POLG: variants seen among roughly 807,000 people sequenced by gnomAD.
POLG encodes the protein DNA polymerase gamma, catalytic subunit.
In POLG, 110 loss-of-function variants were observed where a neutral mutation model predicts 155.4. The observed-to-expected ratio is 0.71, with a 90% CI of 0.61 to 0.83. POLG has a LOEUF of 0.83. Ranked by LOEUF, POLG falls within the 40% of genes least tolerant of loss-of-function variation. The probability of loss-of-function intolerance (pLI) is 0.00; values close to 1 mark genes in which losing one functional copy is unlikely to be tolerated. For synonymous variants in POLG, 701 were observed against 631.5 expected, an observed-to-expected ratio of 1.11 and a Z score of -1.65; for missense variants, 1,685 against 1,627.5, an observed-to-expected ratio of 1.04 and a Z score of -0.61.
chr15:89,321,929 C>T (rs1407595928), intron 15 of POLG, 33 bp downstream of exon 15: 16 of 1,612,126 alleles, frequency 9.9e-6, no homozygotes, highest in Non-Finnish European at 1.2e-5. Flanking sequence ...CACCTCAGTT[C>T]TCCTATCCCT....
At chr15:89,323,552 C>A in intron 12 of POLG, 41 bp from the exon 13 acceptor site, 1 of 1,321,426 alleles carries the variant, frequency 7.6e-7, no homozygotes, top group Admixed American at 1.7e-5. Flanking sequence ...TGCTCCAGCA[C>A]CTGCATTCAG....
In POLG at chr15:89,325,265, AGT is replaced by A. The variant is rs1567190026; in HGVS notation, c.1949+183_1949+184del. Among the ~76,000 whole-genome samples the A allele has an allele frequency of 3.5e-5, 4 of 114,826 alleles. 1 individual carries two copies. Among genetic ancestry groups the A allele is most frequent in the Non-Finnish European group, 5.3e-5 (3 of 56,968 alleles). The allele number at this position is 114,826 out of a possible 152,430, so 75.3% of individuals were successfully genotyped here. ...GAGTGAGTGAGAGAGAGAGTGAGTG[AGT>A]GAGTGAGAGAGAGAGAAAGAGAGAG... On this transcript the variant is annotated intron_variant, in intron 10 of 22. Coordinates refer to ENST00000268124, the MANE Select transcript of POLG (RefSeq NM_002693.3).
At chr15:89,323,973 C>G in intron 11 of POLG, 72 bp from the exon 12 acceptor site, 2 of 1,538,426 alleles carry the variant, frequency 1.3e-6, no homozygotes, top group Non-Finnish European at 1.8e-6. Context: ...CCCCTCCCTG[C>G]ATGGTACTCA....
intron 17 of POLG, 56 bp from the exon 18 acceptor site, chr15:89,321,068 A>G: frequency 6.3e-7 from 1 of 1,592,666 alleles, no homozygotes; most frequent in Non-Finnish European, 8.5e-7. Flanking sequence ...CCCAATGTTC[A>G]TCAGAACTGT....
intron 2 of POLG, among the ~76,000 whole-genome samples, chr15:89,331,109 C>CA (rs1230993815): frequency 2.0e-5 from 3 of 151,338 alleles, no homozygotes; most frequent in African/African-American, 7.3e-5. Context: ...GTGGACAACA[C>CA]AGCTGCGAAG....
rs1402610314 is a variant in POLG at position 89,325,195 on chromosome 15, AGAGT to A, written c.1949+251_1949+254del. 4.3e-3 allele frequency among the ~76,000 whole-genome samples: 212 copies of A among 49,062 alleles called. 17 individuals are homozygous for A. The highest frequency in any genetic ancestry group is 0.018 in the African/African-American group (97 of 5,300). 32.2% of individuals were successfully genotyped at this position (49,062 alleles called of 152,430 possible). On this transcript the variant is annotated intron_variant, in intron 10 of 22. Transcript: ENST00000268124. Reference sequence around the variant, plus strand: ...GAGAGTGAGAGAGTGAGTGAGTGAGAGAGTGAGTGAGAGAGTGAGTGAGTGAGAG... The same window carrying A: ...GAGAGTGAGAGAGTGAGTGAGTGAGAGAGTGAGAGAGTGAGTGAGTGAGAG...
intron 12 of POLG, 99 bp downstream of exon 12, chr15:89,323,716 A>G (rs1011315527): frequency 1.4e-5 from 15 of 1,065,292 alleles, no homozygotes; most frequent in Non-Finnish European, 2.2e-5. Flanking sequence ...CAACCCCCTT[A>G]AGACCTAGGG....
At chr15:89,318,891 C>T (rs2055349665) in intron 20 of POLG, 40 bp downstream of exon 20, 2 of 1,612,360 alleles carry the variant, frequency 1.2e-6, no homozygotes, top group Non-Finnish European at 1.7e-6. Context: ...CCTGCCCTCC[C>T]TGGGGCCCCT....
intron 3 of POLG, 47 bp from the exon 4 acceptor site, chr15:89,329,157 CTGTGGGGCCAGCCCACCACTGCTTGGTGG>C (rs752196851): frequency 2.0e-6 from 3 of 1,537,652 alleles, no homozygotes; most frequent in Non-Finnish European, 2.6e-6. Context: ...GAGGCTGCAA[CTGTGGGGCCAGCCCACCACTGCTTGGTGG>C]TGTGGACCTC....
At chr15:89,321,343 T>C (rs2055393307) in intron 16 of POLG, 83 bp from the exon 17 acceptor site, 1 of 1,489,760 alleles carries the variant, frequency 6.7e-7, no homozygotes, top group Admixed American at 1.8e-5. Flanking sequence ...AGCTAGAGCC[T>C]TTCCTGAGGG....
chr15:89,333,286 G>T lies in POLG; in HGVS notation c.469C>A (p.Leu157Met). ...SLPYLEAANL[L>M]LQAQLPPKPP... is the part of the protein sequence containing the mutation. ...TTCGGGGGCAGCTGGGCCTGCAACA[G>T]CAAGTTGGCCGCCTCCAGGTAGGGC... The change falls in exon 2 of 23, where the codon CTG (leucine) becomes ATG (methionine). Residue 157 changes from leucine to methionine, a missense_variant. This residue lies in a region of POLG where 1,210 missense variants were observed against 1,167.1 expected (regional missense o/e 1.04). Coordinates refer to ENST00000268124, the MANE Select transcript of POLG (RefSeq NM_002693.3). The T allele has an allele frequency of 3.9e-6, 6 of 1,556,900 alleles. No individual in the cohort carries two copies. Among genetic ancestry groups the T allele is most frequent in the Non-Finnish European group, 5.2e-6 (6 of 1,149,990 alleles).
At position 89,320,888 on chromosome 15, in the gene POLG, G is replaced by T; in HGVS notation, c.2859C>A (p.Arg953=). 6.2e-7 allele frequency: 1 copy of T among 1,613,950 alleles called. No individual in the cohort carries two copies. The highest frequency in any genetic ancestry group is 8.5e-7 in the Non-Finnish European group (1 of 1,180,036). The part of the protein sequence containing the change: ...REHAKIFNYG[R]IYGAGQPFAE... ...CAAAGGGCTGCCCAGCACCATAGAT[G>T]CGGCCGTAGTTGAAGATTTTGGCAT... The change falls in exon 18 of 23, where the codon CGC becomes CGA. Residue 953 remains arginine (R), a synonymous_variant. Coordinates refer to ENST00000268124, the MANE Select transcript of POLG (RefSeq NM_002693.3).
chr15:89,324,580 A>T (rs998384131), intron 10 of POLG, among the ~76,000 whole-genome samples: 5 of 152,242 alleles, frequency 3.3e-5, no homozygotes, highest in Admixed American at 6.5e-5. Flanking sequence ...TCGGGCTCAA[A>T]GGAGCAAGGC....
intron 2 of POLG, 139 bp from the exon 3 acceptor site, chr15:89,330,415 A>C (rs2055579084): frequency 1.4e-6 from 1 of 729,144 alleles, no homozygotes; most frequent in East Asian, 2.7e-5. Context: ...GGGTGCTCCT[A>C]ACTCAAACAG....
In POLG at chr15:89,328,572, C is replaced by A. The variant is rs1426619872; in HGVS notation, c.1171-37G>T. The A allele has an allele frequency of 6.2e-7, 1 of 1,607,458 alleles. No homozygotes were observed. Among genetic ancestry groups the A allele is most frequent in the Admixed American group, 1.7e-5 (1 of 60,020 alleles). Reference sequence around the variant, plus strand: ...TGACAGGAAGGCGCAAGGTGGGCAGCCATCCCATTACCACCACCAGCTCTC... The same window carrying A: ...TGACAGGAAGGCGCAAGGTGGGCAGACATCCCATTACCACCACCAGCTCTC... On this transcript the variant is annotated intron_variant, in intron 5 of 22. Coordinates refer to ENST00000268124, the MANE Select transcript of POLG (RefSeq NM_002693.3).
At chr15:89,322,253 C>G (rs894359472) in intron 14 of POLG, among the ~76,000 whole-genome samples, 1 of 152,212 alleles carries the variant, frequency 6.6e-6, no homozygotes, top group Admixed American at 6.5e-5. Flanking sequence ...CCGCTCCTCT[C>G]CGGGGGGCAT....
In POLG at chr15:89,325,248, G is replaced by A. The variant is rs1332722341; in HGVS notation, c.1949+202C>T. On this transcript the variant is annotated intron_variant, in intron 10 of 22. Coordinates refer to ENST00000268124, the MANE Select transcript of POLG (RefSeq NM_002693.3). ...AGAGTGAGTGAGAGAGTGAGTGAGTGAGAGAGAGAGTGAGTGAGTGAGTGA... is the reference window on the plus strand; with the variant it reads ...AGAGTGAGTGAGAGAGTGAGTGAGTAAGAGAGAGAGTGAGTGAGTGAGTGA... 2.3e-5 allele frequency among the ~76,000 whole-genome samples: 2 copies of A among 88,852 alleles called. 1 individual carries two copies. The highest frequency in any genetic ancestry group is 1.4e-4 in the African/African-American group (2 of 14,016). The allele number at this position is 88,852 out of a possible 152,430, so 58.3% of individuals were successfully genotyped here.
intron 1 of POLG, 114 bp from the exon 2 acceptor site, chr15:89,334,027 G>A (rs1385950603): frequency 3.8e-6 from 2 of 529,588 alleles, no homozygotes; most frequent in Non-Finnish European, 6.7e-6. Flanking sequence ...AGGCGCTTCA[G>A]TTGCATTTTC....
At position 89,327,253 on chromosome 15, in the gene POLG, C is replaced by G. The variant is rs1378199632; in HGVS notation, c.1347G>C (p.Gln449His). 4 of 1,614,236 alleles carry G rather than the reference C, an allele frequency of 2.5e-6. No individual in the cohort carries two copies. The highest frequency in any genetic ancestry group is 3.4e-6 in the Non-Finnish European group (4 of 1,180,032). Residue 449 changes from glutamine to histidine, a missense_variant, in exon 7 of 23, where the codon CAG becomes CAC. Coordinates refer to ENST00000268124, the MANE Select transcript of POLG (RefSeq NM_002693.3). ...CCCGCTGGAGCTCCTCATAAGTGCC[C>G]TGTGCCTCTGCCAGGTAACGCTCCC... The part of the protein sequence containing the change: ...QNWERYLAEA[Q>H]GTYEELQREM...
Sources: gnomAD v4.1 joint callset for allele counts (sites outside exome capture counted in the v4.1 genomes callset) on GRCh38, gnomAD v4.1.1 for gene constraint, gnomAD v4.1.1 regional missense constraint, MANE v1.5 for transcripts, NCBI Gene and HGNC (gene_info 2026-07-23, HGNC 2026-07-21) for gene names.